Variants in DPEP2 observed in about 807,000 individuals in gnomAD.
DPEP2 encodes dipeptidase 2.
A neutral mutation model predicts 51.8 loss-of-function variants in DPEP2; 45 were observed. The ratio of observed to expected loss-of-function variants is 0.87; its 90% CI spans 0.68 to 1.11. The LOEUF (loss-of-function observed/expected upper bound fraction) is 1.11. Among genes scored for constraint, DPEP2 ranks in the 50% most tolerant of loss-of-function variants. The pLI is 0.00. For synonymous variants in DPEP2, 255 were observed against 262.7 expected (o/e 0.97, Z 0.28); for missense variants, 604 against 631.9 (o/e 0.96, Z 0.47).
upstream of DPEP2, chr16:68,000,368 G>A: frequency 4.4e-6 from 4 of 913,588 alleles, no homozygotes; most frequent in Non-Finnish European, 5.2e-6. Context: ...TGCAGGGAAG[G>A]AAAAAGTCAG....
chr16:68,000,415 A>C (rs1447320004), upstream of DPEP2: 2 of 984,928 alleles, frequency 2.0e-6, no homozygotes, highest in Non-Finnish European at 2.4e-6. Flanking sequence ...TCCCATGCTC[A>C]GAGCGCAGAG....
intron 1 of DPEP2, among the ~76,000 whole-genome samples, chr16:67,997,770 G>C (rs1045228153): frequency 1.3e-5 from 2 of 152,220 alleles, no homozygotes; most frequent in African/African-American, 4.8e-5. Context: ...GAAGCAGTGG[G>C]AACAGGAAGG....
rs555934050 is a variant in DPEP2 at position 67,991,972 on chromosome 16, G to C, written c.528C>G (p.Asn176Lys). Residue 176 changes from asparagine (N) to lysine (K), a missense_variant, in exon 5 of 11, where the codon AAC (asparagine) becomes AAG (lysine). Asn to Lys is a moderately conservative substitution (Grantham distance 94, BLOSUM62 0). Coordinates refer to ENST00000393847, the MANE Select transcript of DPEP2 (RefSeq NM_022355.4). The surrounding 1 kb of genome is among the most constrained non-coding windows in gnomAD (Gnocchi z 5.1). ...TGAGGCAGGCCAATTTCTGAGTGTC[G>C]TTCAGAGCTGGGGGCAGGTAGGTCA... ...LELVTSAKAL[N>K]DTQKLACLIG... 6.2e-7 allele frequency: 1 copy of C among 1,614,200 alleles called. No homozygotes were observed. Among genetic ancestry groups the C allele is most frequent in the South Asian group, 1.1e-5 (1 of 91,088 alleles).
chr16:67,993,921 T>C lies in DPEP2; in HGVS notation c.-45-664A>G, dbSNP rs114768974. On this transcript the variant is annotated intron_variant, in intron 1 of 10. Transcript: ENST00000393847. Reference sequence around the variant, plus strand: ...GGAATCTCCCAGCTACTAGGACCTGTCAGGAGCACTCCTCCGCCCCCCGCC... The same window carrying C: ...GGAATCTCCCAGCTACTAGGACCTGCCAGGAGCACTCCTCCGCCCCCCGCC... 2.8e-3 allele frequency: 2,730 copies of C among 985,566 alleles called. 62 individuals carry two copies. The African/African-American group carries it at 0.044, about 16-fold the overall frequency. The allele number at this position is 985,566 out of a possible 1,614,324, so 61.1% of individuals were successfully genotyped here.
In DPEP2 at chr16:67,992,190, A is replaced by G. The variant is rs971304004; in HGVS notation, c.394T>C (p.Trp132Arg). The G allele has an allele frequency of 6.2e-7, 1 of 1,614,026 alleles. No individual in the cohort carries two copies. Among genetic ancestry groups the G allele is most frequent in the Non-Finnish European group, 8.5e-7 (1 of 1,179,930 alleles). ...LRDGLVGAQF[W>R]SAYVPCQTQD... Reference sequence around the variant, plus strand: ...GTCTGGCATGGCACATAGGCTGACCAGAACTGGGGGGAAGGCCAGGGTTTG... The same window carrying G: ...GTCTGGCATGGCACATAGGCTGACCGGAACTGGGGGGAAGGCCAGGGTTTG... The change falls in exon 4 of 11, where the codon TGG becomes CGG. Residue 132 changes from tryptophan to arginine, a missense_variant. Transcript: ENST00000393847.
In DPEP2 at chr16:67,990,848, A is replaced by G; in HGVS notation, c.882T>C (p.Asn294=). The G allele has an allele frequency of 6.2e-7, 1 of 1,614,078 alleles. No individual in the cohort carries two copies. The highest frequency in any genetic ancestry group is 8.5e-7 in the Non-Finnish European group (1 of 1,179,948). The change falls in exon 7 of 11, where the codon AAT becomes AAC. Residue 294 remains asparagine (N), a synonymous_variant. Transcript: ENST00000393847. The part of the protein sequence containing the change: ...AARGVCNSAR[N]VPDDILQLLK... Reference sequence around the variant, plus strand: ...GAAGCTGCAGGATGTCATCAGGAACATTCCGAGCACTGTTGCACACACCCC... The same window carrying G: ...GAAGCTGCAGGATGTCATCAGGAACGTTCCGAGCACTGTTGCACACACCCC...
At position 67,990,925 on chromosome 16, in the gene DPEP2, G is replaced by T; in HGVS notation, c.805C>A (p.Arg269=). 6.2e-7 allele frequency: 1 copy of T among 1,614,236 alleles called. No homozygotes were observed. The highest frequency in any genetic ancestry group is 8.5e-7 in the Non-Finnish European group (1 of 1,180,050). ...GGTGCCTGTGACACTTCCAGGGCCC[G>T]CCGTGCCACAGCATCTGAGACATGG... ...LSHVSDAVAR[R]ALEVSQAPVI... is the part of the protein sequence containing the mutation. Residue 269 remains arginine, a synonymous_variant, in exon 7 of 11, where the codon CGG becomes AGG. Coordinates refer to ENST00000393847, the MANE Select transcript of DPEP2 (RefSeq NM_022355.4).
chr16:67,987,496 A>G lies in DPEP2; in HGVS notation c.*10T>C. The G allele has an allele frequency of 6.2e-7, 1 of 1,603,706 alleles. No individual in the cohort carries two copies. Among genetic ancestry groups the G allele is most frequent in the Non-Finnish European group, 8.5e-7 (1 of 1,171,424 alleles). ...TGCTACAGTGACATCTGGCAGGACTAACTGGGTCATCAGAGCCACAGAATA... is the reference window on the plus strand; with the variant it reads ...TGCTACAGTGACATCTGGCAGGACTGACTGGGTCATCAGAGCCACAGAATA... On this transcript the variant is annotated 3_prime_UTR_variant, in exon 11 of 11. Transcript: ENST00000393847.
intron 9 of DPEP2, among the ~76,000 whole-genome samples, chr16:67,988,979 AAAGGAG>A (rs1034777166): frequency 7.2e-5 from 11 of 152,232 alleles, no homozygotes; most frequent in Admixed American, 1.3e-4. Flanking sequence ...ACGAGGAAGA[AAAGGAG>A]AAGGAGAAGG....
chr16:67,987,591 T>A lies in DPEP2; in HGVS notation c.1376A>T (p.Lys459Met). 9.9e-6 allele frequency: 16 copies of A among 1,614,142 alleles called. No homozygotes were observed. Among genetic ancestry groups the A allele is most frequent in the Non-Finnish European group, 1.3e-5 (15 of 1,180,028 alleles). ...GGGGGAGGACTCTGAGACTGACCACTTGGCTGGTAACTTGGCTGTCCAGTG... is the reference window on the plus strand; with the variant it reads ...GGGGGAGGACTCTGAGACTGACCACATGGCTGGTAACTTGGCTGTCCAGTG... ...PIHWTAKLPAKWSVSESSPHM... is the reference protein window; with the variant it reads ...PIHWTAKLPAMWSVSESSPHM... The change falls in exon 11 of 11, where the codon AAG (lysine) becomes ATG (methionine). Residue 459 changes from lysine (K) to methionine (M), a missense_variant. By Grantham distance (95) the Lys-to-Met change is moderately conservative. Coordinates refer to ENST00000393847, the MANE Select transcript of DPEP2 (RefSeq NM_022355.4).
upstream of DPEP2, chr16:67,999,616 C>T: frequency 4.1e-6 from 2 of 486,626 alleles, no homozygotes; most frequent in Non-Finnish European, 5.4e-6. Context: ...CGATGCCTGG[C>T]CTGTTCCTCT....
In DPEP2 at chr16:67,987,654, C is replaced by G. The variant is rs757915998; in HGVS notation, c.1313G>C (p.Ser438Thr). The G allele has an allele frequency of 6.8e-6, 11 of 1,614,196 alleles. No homozygotes were observed. Among genetic ancestry groups the G allele is most frequent in the Non-Finnish European group, 5.9e-6 (7 of 1,180,032 alleles). ...SDLSRLRQRQSLTSGQELTEI... is the reference protein window; with the variant it reads ...SDLSRLRQRQTLTSGQELTEI... ...AGTGAGTTCCTGGCCTGAAGTCAGA[C>G]TCTGTCTCTGACGCAGACGTGAGAG... The change falls in exon 11 of 11, where the codon AGT becomes ACT. Residue 438 changes from serine (S) to threonine (T), a missense_variant. Coordinates refer to ENST00000393847, the MANE Select transcript of DPEP2 (RefSeq NM_022355.4).
intron 7 of DPEP2, 57 bp from the exon 8 acceptor site, chr16:67,990,188 C>T (rs2031956889): frequency 1.3e-6 from 2 of 1,540,720 alleles, no homozygotes; most frequent in Non-Finnish European, 1.8e-6. Flanking sequence ...TGCATTCCTG[C>T]CCTGCCACCC....
chr16:67,993,624 G>A, intron 1 of DPEP2: 1 of 992,642 alleles, frequency 1.0e-6, no homozygotes, highest in Non-Finnish European at 1.2e-6. Context: ...CCCCCAAACA[G>A]TGGCCCTCTG....
intron 9 of DPEP2, 130 bp from the exon 10 acceptor site, chr16:67,988,117 TCTC>T (rs1390535563): frequency 8.9e-7 from 1 of 1,127,838 alleles, no homozygotes; most frequent in East Asian, 2.5e-5. Flanking sequence ...AGTAGGTAAT[TCTC>T]CTCTGCTCTT....
At chr16:67,995,972 A>AAAC (rs376768981) in intron 1 of DPEP2, among the ~76,000 whole-genome samples, 9,923 of 150,980 alleles carry the variant, frequency 0.066, 649 homozygotes, top group African/African-American at 0.18. Flanking sequence ...TCCCCCCGCC[A>AAAC]AACAACAACA....
In DPEP2 at chr16:67,989,969, A is replaced by G; in HGVS notation, c.994+78T>C. The G allele has an allele frequency of 2.0e-6, 3 of 1,477,148 alleles. No homozygotes were observed. The South Asian group carries it at 3.5e-5, about 17-fold the overall frequency. The allele number at this position is 1,477,148 out of a possible 1,614,324, so 91.5% of individuals were successfully genotyped here. ...TCACTGCATTTTTTTCAGTGAAACC[A>G]CTGGGACAGTCCTGGGGCCCTCCCA... On this transcript the variant is annotated intron_variant, in intron 8 of 10. Coordinates refer to ENST00000393847, the MANE Select transcript of DPEP2 (RefSeq NM_022355.4).
intron 2 of DPEP2, 132 bp downstream of exon 2, chr16:67,992,814 GTACC>G (rs2032339520): frequency 6.8e-7 from 1 of 1,477,018 alleles, no homozygotes; most frequent in African/African-American, 1.4e-5. Context: ...AGGGGAAAGG[GTACC>G]CATGCATGAC....
chr16:67,992,509 C>T lies in DPEP2; in HGVS notation c.390+1G>A. 3 of 1,609,920 alleles carry T rather than the reference C, an allele frequency of 1.9e-6. No homozygotes were observed. The highest frequency in any genetic ancestry group is 4.5e-5 in the East Asian group (2 of 44,754). The stretch of plus-strand genomic sequence containing the variant: ...TGGCACCTCGTGTATCCCTGTGGTA[C>T]CTGGGCGCCCACGAGGCCATCTCTA... On this transcript the variant is annotated splice_donor_variant, in intron 3 of 10. Transcript: ENST00000393847. LOFTEE classifies it high-confidence loss of function.
Sources: gnomAD v4.1 joint callset for allele counts (sites outside exome capture counted in the v4.1 genomes callset) on GRCh38, gnomAD v4.1.1 for gene constraint, Gnocchi (gnomAD v3.1) non-coding constraint, MANE v1.5 for transcripts, NCBI Gene and HGNC (gene_info 2026-07-23, HGNC 2026-07-21) for gene names.